Variants in ZBTB38 observed in about 807,000 individuals in gnomAD.
The protein encoded by ZBTB38 is zinc finger and BTB domain-containing protein 38.
A neutral mutation model predicts 76.8 loss-of-function variants in ZBTB38; 20 were observed. The ratio of observed to expected loss-of-function variants is 0.26; its 90% CI spans 0.18 to 0.38. ZBTB38 has a LOEUF of 0.38. Among genes scored for constraint, ZBTB38 ranks in the 10% least tolerant of loss-of-function variants. The pLI, the probability that ZBTB38 is intolerant of heterozygous loss-of-function variation, is 1.00. For missense variants in ZBTB38, 1,082 were observed against 1,482.3 expected (o/e 0.73, Z 4.43); for synonymous variants, 504 against 544.2 (o/e 0.93, Z 1.03).
chr3:141,414,568 G>A (rs1432171751), intron 5 of ZBTB38, among the ~76,000 whole-genome samples: 1 of 152,208 alleles, frequency 6.6e-6, no homozygotes, highest in Non-Finnish European at 1.5e-5. Context: ...CATCTGGAAG[G>A]CATCAGACAG....
intron 4 of ZBTB38, among the ~76,000 whole-genome samples, chr3:141,393,731 G>C (rs552254963): frequency 6.6e-6 from 1 of 152,102 alleles, no homozygotes; most frequent in African/African-American, 2.4e-5. Flanking sequence ...GCTCTGCTGC[G>C]CCATGGAGCT....
intron 5 of ZBTB38, among the ~76,000 whole-genome samples, chr3:141,428,965 A>G (rs534960103): frequency 6.6e-6 from 1 of 152,352 alleles, no homozygotes; most frequent in East Asian, 1.9e-4. Flanking sequence ...ATGTTGATTT[A>G]TAAACATATA....
intron 4 of ZBTB38, among the ~76,000 whole-genome samples, chr3:141,395,836 A>G (rs1181380345): frequency 6.6e-6 from 1 of 152,224 alleles, no homozygotes; most frequent in Non-Finnish European, 1.5e-5. Context: ...GGTGCATATA[A>G]AAGTTGTGTT....
At chr3:141,418,471 C>T (rs1231567821) in intron 5 of ZBTB38, among the ~76,000 whole-genome samples, 1 of 152,208 alleles carries the variant, frequency 6.6e-6, no homozygotes, top group African/African-American at 2.4e-5. Flanking sequence ...CCTCCAGAGC[C>T]CTGGATGCCC....
intron 4 of ZBTB38, among the ~76,000 whole-genome samples, chr3:141,397,251 G>A (rs1361462637): frequency 6.6e-6 from 1 of 152,142 alleles, no homozygotes; most frequent in Non-Finnish European, 1.5e-5. Flanking sequence ...CACACTTCAT[G>A]AACCAACCTC....
chr3:141,423,384 A>G (rs932318940), intron 5 of ZBTB38, among the ~76,000 whole-genome samples: 15 of 152,212 alleles, frequency 9.9e-5, no homozygotes, highest in African/African-American at 3.4e-4. Flanking sequence ...GAGATACTAC[A>G]TTTTATCTGT....
intron 1 of ZBTB38, among the ~76,000 whole-genome samples, chr3:141,334,821 CAAA>C (rs139221976): frequency 6.6e-6 from 1 of 152,288 alleles, no homozygotes; most frequent in East Asian, 1.9e-4. Context: ...TGAGCTTTAA[CAAA>C]GAAGGAGACA....
chr3:141,340,757 T>C (rs1486774675), intron 1 of ZBTB38, among the ~76,000 whole-genome samples: 1 of 151,144 alleles, frequency 6.6e-6, no homozygotes, highest in Non-Finnish European at 1.5e-5. Context: ...ATTAGCCGGG[T>C]GTGGTGGCGG....
intron 2 of ZBTB38, among the ~76,000 whole-genome samples, chr3:141,371,041 C>CTTTTTTTTTTTTTTTTTTTTTTT (rs1944488920): frequency 2.7e-5 from 2 of 75,458 alleles, no homozygotes; most frequent in African/African-American, 1.3e-4. Flanking sequence ...TCTTTTCTTT[C>CTTTTTTTTTTTTTTTTTTTTTTT]TTTCTTTTTT....
chr3:141,382,862 A>G (rs1198488815), intron 3 of ZBTB38, among the ~76,000 whole-genome samples: 1 of 152,222 alleles, frequency 6.6e-6, no homozygotes, highest in Admixed American at 6.5e-5. Context: ...CTGCACAATA[A>G]TAAGATTACT....
chr3:141,446,075 A>T lies in ZBTB38; in HGVS notation c.*99A>T. On this transcript the variant is annotated 3_prime_UTR_variant, in exon 6 of 6. Transcript: ENST00000321464. ...TTTGTCCATGTGACAGTCATGAAGG[A>T]GTGAAATTAAAAAAAAAAAAAACTC... 2.1e-6 allele frequency: 2 copies of T among 953,570 alleles called. No individual in the cohort carries two copies. Among genetic ancestry groups the T allele is most frequent in the Non-Finnish European group, 2.9e-6 (2 of 696,222 alleles). The allele number at this position is 953,570 out of a possible 1,614,324, so 59.1% of individuals were successfully genotyped here.
chr3:141,398,850 G>C (rs984292668), intron 4 of ZBTB38, among the ~76,000 whole-genome samples: 1 of 152,072 alleles, frequency 6.6e-6, no homozygotes, highest in African/African-American at 2.4e-5. Flanking sequence ...AAAAATGAGA[G>C]GTCATCTTTT....
At chr3:141,365,640 T>TGTA (rs1943944607), upstream of ZBTB38, among the ~76,000 whole-genome samples, 1 of 152,210 alleles carries the variant, frequency 6.6e-6, no homozygotes, top group Admixed American at 6.5e-5. Flanking sequence ...AACCATATAT[T>TGTA]GTATGATTCC....
At chr3:141,429,172 G>A (rs1055257031) in intron 5 of ZBTB38, among the ~76,000 whole-genome samples, 2 of 152,176 alleles carry the variant, frequency 1.3e-5, no homozygotes, top group South Asian at 2.1e-4. Flanking sequence ...GTTGAGGGCC[G>A]TGGAAAAGTC....
At chr3:141,401,121 T>C (rs1374836919) in intron 4 of ZBTB38, among the ~76,000 whole-genome samples, 1 of 152,250 alleles carries the variant, frequency 6.6e-6, no homozygotes, top group Admixed American at 6.5e-5. Flanking sequence ...TGGAATCCAC[T>C]ATTAACAACA....
chr3:141,382,535 T>G (rs1021703091), intron 3 of ZBTB38, among the ~76,000 whole-genome samples: 5 of 152,164 alleles, frequency 3.3e-5, no homozygotes, highest in Non-Finnish European at 7.3e-5. Context: ...CAAGTGGAAA[T>G]GTATTTATTA....
At chr3:141,343,973 T>G (rs1163701009) in intron 1 of ZBTB38, among the ~76,000 whole-genome samples, 1 of 152,152 alleles carries the variant, frequency 6.6e-6, no homozygotes, top group Non-Finnish European at 1.5e-5. Flanking sequence ...ATGCTGGGAA[T>G]TTTGAGGGAC....
chr3:141,439,151 C>G (rs1221097673), intron 5 of ZBTB38, among the ~76,000 whole-genome samples: 3 of 152,100 alleles, frequency 2.0e-5, no homozygotes, highest in African/African-American at 7.2e-5. Flanking sequence ...GTTGACAGTT[C>G]TCTTTCTTCC....
chr3:141,357,728 C>G (rs959442355), intron 1 of ZBTB38, among the ~76,000 whole-genome samples: 15 of 152,172 alleles, frequency 9.9e-5, no homozygotes, highest in Non-Finnish European at 2.1e-4. Flanking sequence ...CTCAGGTGAT[C>G]TGCCCACCTC....
Sources: allele counts gnomAD v4.1 joint callset (sites outside exome capture counted in the v4.1 genomes callset), GRCh38; gene constraint gnomAD v4.1.1; transcripts MANE v1.5; gene names NCBI Gene and HGNC (gene_info 2026-07-23, HGNC 2026-07-21).